Variants in EHBP1 observed in about 807,000 individuals in gnomAD.
The protein encoded by EHBP1 is EH domain binding protein 1.
In EHBP1, 55 loss-of-function variants were observed where a neutral mutation model predicts 144.0. The observed-to-expected ratio is 0.38, with a 90% CI of 0.31 to 0.48. EHBP1 has a LOEUF of 0.48. Among genes scored for constraint, EHBP1 ranks in the 20% least tolerant of loss-of-function variants. The pLI, the probability that EHBP1 is intolerant of heterozygous loss-of-function variation, is 0.98. For synonymous variants in EHBP1, 469 were observed against 472.7 expected (o/e 0.99, Z 0.10); for missense variants, 1,200 against 1,364.2 (o/e 0.88, Z 1.90).
At chr2:62,968,292 A>G (rs1485598704) in intron 14 of EHBP1, among the ~76,000 whole-genome samples, 1 of 152,186 alleles carries the variant, frequency 6.6e-6, no homozygotes, top group African/African-American at 2.4e-5. Flanking sequence ...TGGAGTGTTA[A>G]ATTCATCATA....
At chr2:62,966,302 A>G (rs774173852) in intron 14 of EHBP1, among the ~76,000 whole-genome samples, 3 of 152,102 alleles carry the variant, frequency 2.0e-5, no homozygotes, top group Non-Finnish European at 2.9e-5. Flanking sequence ...TTCAGAAGCA[A>G]TTTTTAAAGG....
At chr2:63,015,548 T>C (rs1476260306) in intron 19 of EHBP1, among the ~76,000 whole-genome samples, 1 of 152,146 alleles carries the variant, frequency 6.6e-6, no homozygotes, top group African/African-American at 2.4e-5. Context: ...GGTCTTGCTA[T>C]GTTGCCCAGG....
At chr2:62,828,947 C>G (rs774495015) in intron 6 of EHBP1, among the ~76,000 whole-genome samples, 1 of 151,920 alleles carries the variant, frequency 6.6e-6, no homozygotes, top group South Asian at 2.1e-4. Context: ...CAAGACCCCC[C>G]TCTCTACAGA....
At chr2:62,749,650 T>C (rs1298193050) in intron 3 of EHBP1, among the ~76,000 whole-genome samples, 3 of 151,660 alleles carry the variant, frequency 2.0e-5, no homozygotes, top group South Asian at 2.1e-4. Flanking sequence ...AGCACCTGTT[T>C]CCTGACTTTT....
At position 63,045,998 on chromosome 2, in the gene EHBP1, A is replaced by C. The variant is rs1171768324; in HGVS notation, c.*498A>C. On this transcript the variant is annotated 3_prime_UTR_variant, in exon 23 of 23. Transcript: ENST00000431489. The surrounding 1 kb of genome is among the most constrained non-coding windows in gnomAD (Gnocchi z 5.7). Reference sequence around the variant, plus strand: ...TCTGTTACCTAAATTTTATAGTTAGATCATATCCAATCTACTTATTAAACT... The same window carrying C: ...TCTGTTACCTAAATTTTATAGTTAGCTCATATCCAATCTACTTATTAAACT... 1 of 155,194 alleles carries C rather than the reference A, an allele frequency of 6.4e-6. No individual in the cohort carries two copies. The highest frequency in any genetic ancestry group is 1.4e-5 in the Non-Finnish European group (1 of 69,818). 9.6% of individuals were successfully genotyped at this position (155,194 alleles called of 1,614,324 possible). A position where few individuals can be genotyped will look rare whatever the true frequency, so the allele number is the denominator to read the frequency against.
At chr2:62,938,806 GAA>G (rs139219285) in intron 10 of EHBP1, among the ~76,000 whole-genome samples, 3 of 146,506 alleles carry the variant, frequency 2.0e-5, no homozygotes, top group Non-Finnish European at 4.5e-5. Flanking sequence ...GTTTGTGGGG[GAA>G]AAAAAAAAGA....
intron 1 of EHBP1, among the ~76,000 whole-genome samples, chr2:62,692,057 T>C (rs2033925309): frequency 6.6e-6 from 1 of 152,164 alleles, no homozygotes; most frequent in African/African-American, 2.4e-5. Context: ...TAGCAGTAAC[T>C]CCTTCATGTG....
In EHBP1 at chr2:62,826,280, T is replaced by A; in HGVS notation, c.494+12T>A. 1.3e-6 allele frequency: 2 copies of A among 1,589,322 alleles called. No homozygotes were observed. Among genetic ancestry groups the A allele is most frequent in the African/African-American group, 2.7e-5 (2 of 73,632 alleles). The stretch of plus-strand genomic sequence containing the variant: ...GAAGGAAAAGCCACGTAAGTTTCTT[T>A]TGTCAAATAAGCTTCCTTACATTGT... On this transcript the variant is annotated intron_variant, in intron 6 of 22. Transcript: ENST00000431489.
At chr2:62,935,656 A>T (rs949175878) in intron 10 of EHBP1, among the ~76,000 whole-genome samples, 4 of 151,950 alleles carry the variant, frequency 2.6e-5, no homozygotes, top group Non-Finnish European at 5.9e-5. Context: ...AACGTTTTAC[A>T]ATTTTGTTTC....
In EHBP1 at chr2:63,045,352, G is replaced by C. The variant is rs1288189355; in HGVS notation, c.3393-58G>C. Reference sequence around the variant, plus strand: ...CTGGGCGACGGGGGAGTGCTGCTCTGCCCTCCACGAAGAAAAATAATTTTG... The same window carrying C: ...CTGGGCGACGGGGGAGTGCTGCTCTCCCCTCCACGAAGAAAAATAATTTTG... On this transcript the variant is annotated intron_variant, in intron 22 of 22. Coordinates refer to ENST00000431489, the MANE Select transcript of EHBP1 (RefSeq NM_001142616.3). This position sits in a 1 kb window ranked among gnomAD's most constrained non-coding sequence, Gnocchi z 5.7. 7.2e-6 allele frequency: 11 copies of C among 1,531,714 alleles called. No homozygotes were observed. Among genetic ancestry groups the C allele is most frequent in the Non-Finnish European group, 9.9e-6 (11 of 1,107,790 alleles). The allele number at this position is 1,531,714 out of a possible 1,614,324, so 94.9% of individuals were successfully genotyped here. A position where few individuals can be genotyped will look rare whatever the true frequency, so the allele number is the denominator to read the frequency against.
At chr2:63,008,523 A>T (rs1245699674) in intron 19 of EHBP1, among the ~76,000 whole-genome samples, 2 of 151,196 alleles carry the variant, frequency 1.3e-5, no homozygotes, top group East Asian at 3.9e-4. Context: ...ACGCTGAGGA[A>T]CTTAGGAATT....
intron 15 of EHBP1, among the ~76,000 whole-genome samples, chr2:62,983,026 G>GC (rs1463736735): frequency 1.3e-5 from 2 of 152,142 alleles, no homozygotes; most frequent in Non-Finnish European, 2.9e-5. Flanking sequence ...AGCAGCCATA[G>GC]CCTAGCTTTC....
chr2:62,719,086 C>T (rs1216474507), intron 2 of EHBP1, among the ~76,000 whole-genome samples: 1 of 151,438 alleles, frequency 6.6e-6, no homozygotes, highest in Non-Finnish European at 1.5e-5. Flanking sequence ...TCATCTCAGC[C>T]TCCTGAGTAG....
chr2:62,929,217 C>T (rs2055779819), intron 10 of EHBP1, among the ~76,000 whole-genome samples: 1 of 152,144 alleles, frequency 6.6e-6, no homozygotes, highest in East Asian at 1.9e-4. Flanking sequence ...AGGGAATACT[C>T]CTTACCTCAT....
chr2:62,796,493 A>G (rs903947037), intron 5 of EHBP1, among the ~76,000 whole-genome samples: 1 of 152,174 alleles, frequency 6.6e-6, no homozygotes, highest in African/African-American at 2.4e-5. Flanking sequence ...TCATTTAACC[A>G]TATACATGGA....
intron 14 of EHBP1, among the ~76,000 whole-genome samples, chr2:62,959,233 A>G (rs916532356): frequency 2.6e-5 from 4 of 152,216 alleles, no homozygotes; most frequent in African/African-American, 7.2e-5. Flanking sequence ...GCTGAATGGT[A>G]TTCCACTGTA....
intron 10 of EHBP1, among the ~76,000 whole-genome samples, chr2:62,934,710 A>AAGGGCTTTAAAGAGAGGGCGGGTTTTT: frequency 6.6e-6 from 1 of 152,314 alleles, no homozygotes; most frequent in East Asian, 1.9e-4. Context: ...ATGCTTGGTT[A>AAGGGCTTTAAAGAGAGGGCGGGTTTTT]CGTGAATCAC....
chr2:62,830,015 A>G (rs2046685882), intron 6 of EHBP1, among the ~76,000 whole-genome samples: 1 of 151,050 alleles, frequency 6.6e-6, no homozygotes, highest in East Asian at 1.9e-4. Flanking sequence ...AAAATAAGTT[A>G]TTACAGGAAA....
intron 5 of EHBP1, among the ~76,000 whole-genome samples, chr2:62,782,470 G>T (rs757086405): frequency 5.3e-5 from 8 of 152,086 alleles, no homozygotes; most frequent in Non-Finnish European, 1.0e-4. Flanking sequence ...TTCTCACACT[G>T]CTAATAAAGA....
Sources: allele counts gnomAD v4.1 joint callset (sites outside exome capture counted in the v4.1 genomes callset), GRCh38; gene constraint gnomAD v4.1.1; non-coding constraint Gnocchi (gnomAD v3.1); transcripts MANE v1.5; gene names NCBI Gene and HGNC (gene_info 2026-07-23, HGNC 2026-07-21).